RIMKLA: variants seen among roughly 807,000 people sequenced by gnomAD.
The protein encoded by RIMKLA is N-acetylaspartylglutamate synthase A.
A neutral mutation model predicts 32.7 loss-of-function variants in RIMKLA; 14 were observed. The ratio of observed to expected loss-of-function variants is 0.43; its 90% CI spans 0.28 to 0.67. The LOEUF (loss-of-function observed/expected upper bound fraction) is 0.67. Ranked by LOEUF, RIMKLA falls within the 30% of genes least tolerant of loss-of-function variation. The probability of loss-of-function intolerance (pLI) is 0.18; values close to 1 mark genes in which losing one functional copy is unlikely to be tolerated. For synonymous variants in RIMKLA, 176 were observed against 204.1 expected (o/e 0.86, Z 1.18); for missense variants, 410 against 519.0 (o/e 0.79, Z 2.04).
At chr1:42,385,808 T>TTCCTTCCTTCCTTCCTTCCTTCC (rs1642934309) in intron 1 of RIMKLA, among the ~76,000 whole-genome samples, 2 of 75,984 alleles carry the variant, frequency 2.6e-5, no homozygotes, top group Non-Finnish European at 3.1e-5. Context: ...TCTCTCTCTC[T>TTCCTTCCTTCCTTCCTTCCTTCC]TTCCTTCCTT....
chr1:42,385,844 C>CTTTCTCTT (rs1553175520), intron 1 of RIMKLA, among the ~76,000 whole-genome samples: 1 of 57,080 alleles, frequency 1.8e-5, no homozygotes, highest in East Asian at 3.3e-4. Flanking sequence ...TTCTTTCTTT[C>CTTTCTCTT]TCTTTCTTTC....
At chr1:42,386,661 A>G (rs1272836093) in intron 1 of RIMKLA, among the ~76,000 whole-genome samples, 4 of 150,346 alleles carry the variant, frequency 2.7e-5, no homozygotes, top group African/African-American at 9.8e-5. Context: ...GGATCACTTG[A>G]GGTCAGGAGT....
At chr1:42,383,518 G>A (rs765171989) in intron 1 of RIMKLA, among the ~76,000 whole-genome samples, 16 of 152,102 alleles carry the variant, frequency 1.1e-4, no homozygotes, top group Non-Finnish European at 1.9e-4. Context: ...CTGGTTCCTA[G>A]TTTCTTCTGT....
In RIMKLA at chr1:42,399,579, G is replaced by C. The variant is rs773440512; in HGVS notation, c.339G>C (p.Trp113Cys). 1.9e-6 allele frequency: 3 copies of C among 1,613,084 alleles called. No individual in the cohort carries two copies. Among genetic ancestry groups the C allele is most frequent in the Non-Finnish European group, 2.5e-6 (3 of 1,179,656 alleles). Residue 113 changes from tryptophan to cysteine, a missense_variant, in exon 2 of 5, where the codon TGG (tryptophan) becomes TGC (cysteine). By Grantham distance (215) the Trp-to-Cys change is radical. Transcript: ENST00000431473. Reference sequence around the variant, plus strand: ...TCTTAAATTGCATCAACAAATTCTGGACGTTCCAAGAACTGGCTGGACATG... The same window carrying C: ...TCTTAAATTGCATCAACAAATTCTGCACGTTCCAAGAACTGGCTGGACATG... ...QSILNCINKF[W>C]TFQELAGHGV...
chr1:42,409,053 C>T (rs972821818), intron 3 of RIMKLA, among the ~76,000 whole-genome samples: 2 of 151,494 alleles, frequency 1.3e-5, no homozygotes, highest in African/African-American at 4.9e-5. Flanking sequence ...ACTAAAAATA[C>T]AAAAATTTGC....
At chr1:42,393,895 C>T (rs1643019902) in intron 1 of RIMKLA, among the ~76,000 whole-genome samples, 1 of 152,222 alleles carries the variant, frequency 6.6e-6, no homozygotes, top group Admixed American at 6.5e-5. Flanking sequence ...AGCAATTCTC[C>T]TGCCTCAGCC....
intron 1 of RIMKLA, among the ~76,000 whole-genome samples, chr1:42,390,101 G>A (rs1369980596): frequency 1.4e-5 from 2 of 145,726 alleles, no homozygotes; most frequent in Non-Finnish European, 3.0e-5. Context: ...GCAGTGGTGC[G>A]ATCTCAGCTC....
chr1:42,385,841 T>C (rs1281462712), intron 1 of RIMKLA, among the ~76,000 whole-genome samples: 4,917 of 77,858 alleles, frequency 0.063, 1,060 homozygotes, highest in Middle Eastern at 0.15. Context: ...TCTTTCTTTC[T>C]TTCTCTTTCT....
At chr1:42,403,401 C>T (rs191010558) in intron 2 of RIMKLA, among the ~76,000 whole-genome samples, 120 of 152,218 alleles carry the variant, frequency 7.9e-4, no homozygotes, top group Non-Finnish European at 1.4e-3. Context: ...GAATAGAGGG[C>T]GGATGTAGTC....
rs547904304 is a variant in RIMKLA at position 42,386,479 on chromosome 1, T to C, written c.163+5382T>C. 3.3e-5 allele frequency among the ~76,000 whole-genome samples: 5 copies of C among 152,070 alleles called. No homozygotes were observed. In the East Asian group the frequency reaches 9.6e-4, roughly 29 times the overall value. On this transcript the variant is annotated intron_variant, in intron 1 of 4. Coordinates refer to ENST00000431473, the MANE Select transcript of RIMKLA (RefSeq NM_173642.4). ...CCATTGTCCCGAGAAACAATTATAA[T>C]TTGGATTATAATTGTTTTTTGGTTA...
intron 1 of RIMKLA, among the ~76,000 whole-genome samples, chr1:42,394,739 ATTT>A (rs113030477): frequency 6.9e-6 from 1 of 145,962 alleles, no homozygotes; most frequent in Admixed American, 6.9e-5. Context: ...AGTTATGAAG[ATTT>A]TTTTTTTTTT....
At chr1:42,400,274 G>A (rs1029209033) in intron 2 of RIMKLA, among the ~76,000 whole-genome samples, 3 of 152,166 alleles carry the variant, frequency 2.0e-5, no homozygotes, top group African/African-American at 4.8e-5. Context: ...AGCAGGTGAA[G>A]GAGATGAGGG....
chr1:42,407,638 C>T (rs757440281), intron 3 of RIMKLA, among the ~76,000 whole-genome samples: 11 of 152,260 alleles, frequency 7.2e-5, no homozygotes, highest in East Asian at 1.9e-4. Context: ...TCACCATGTG[C>T]GTGAAGGTTG....
At chr1:42,389,816 A>C (rs1270591554) in intron 1 of RIMKLA, among the ~76,000 whole-genome samples, 1 of 109,858 alleles carries the variant, frequency 9.1e-6, no homozygotes, top group Non-Finnish European at 2.1e-5. Context: ...GCCATCTCAA[A>C]AAAAAAAATG....
intron 1 of RIMKLA, among the ~76,000 whole-genome samples, chr1:42,396,187 G>A (rs1032757980): frequency 1.7e-5 from 2 of 117,334 alleles, no homozygotes; most frequent in Non-Finnish European, 3.2e-5. Context: ...AGTGAGCTGA[G>A]AACACGCCAT....
In RIMKLA at chr1:42,382,110, T is replaced by G. The variant is rs1044373972; in HGVS notation, c.163+1013T>G. On this transcript the variant is annotated intron_variant, in intron 1 of 4. Coordinates refer to ENST00000431473, the MANE Select transcript of RIMKLA (RefSeq NM_173642.4). Reference sequence around the variant, plus strand: ...GGAAAGACTACTTACAAGTGAGATTTTGAATATGACCTGTTTCTGAGTGGA... The same window carrying G: ...GGAAAGACTACTTACAAGTGAGATTGTGAATATGACCTGTTTCTGAGTGGA... Among the ~76,000 whole-genome samples, 42 of 152,358 alleles carry G rather than the reference T, an allele frequency of 2.8e-4. 1 individual carries two copies. Among genetic ancestry groups the G allele is most frequent in the Admixed American group, 2.5e-3 (39 of 15,304 alleles).
intron 2 of RIMKLA, among the ~76,000 whole-genome samples, chr1:42,402,664 C>G (rs1215396512): frequency 6.6e-6 from 1 of 150,792 alleles, no homozygotes; most frequent in Non-Finnish European, 1.5e-5. Flanking sequence ...GATTGTGGCT[C>G]ACTGCAGCCT....
chr1:42,401,070 G>A (rs962294956), intron 2 of RIMKLA, among the ~76,000 whole-genome samples: 3 of 152,090 alleles, frequency 2.0e-5, no homozygotes, highest in African/African-American at 7.2e-5. Context: ...GGGGAGGATG[G>A]TTTCAGGACG....
chr1:42,385,586 T>C (rs1225943018), intron 1 of RIMKLA, among the ~76,000 whole-genome samples: 1 of 152,076 alleles, frequency 6.6e-6, no homozygotes, highest in Non-Finnish European at 1.5e-5. Context: ...GGGGTGGATG[T>C]TTAGTTTATG....
Sources: gnomAD v4.1 joint callset for allele counts (sites outside exome capture counted in the v4.1 genomes callset) on GRCh38, gnomAD v4.1.1 for gene constraint, MANE v1.5 for transcripts, NCBI Gene and HGNC (gene_info 2026-07-23, HGNC 2026-07-21) for gene names.